Variants in MAGI1 observed in about 807,000 individuals in gnomAD.
MAGI1 encodes membrane-associated guanylate kinase, WW and PDZ domain-containing protein 1.
Under a neutral mutation model 139.9 loss-of-function variants are expected in MAGI1, and 58 were observed. The ratio of observed to expected loss-of-function variants is 0.41; its 90% confidence interval spans 0.34 to 0.52. MAGI1 has a LOEUF of 0.52. Among genes scored for constraint, MAGI1 ranks in the 20% least tolerant of loss-of-function variants. The probability of loss-of-function intolerance (pLI) is 0.12; values close to 1 mark genes in which losing one functional copy is unlikely to be tolerated. For missense variants in MAGI1, 1,874 were observed against 1,901.6 expected (o/e 0.99, Z 0.27); for synonymous variants, 812 against 737.9 (o/e 1.10, Z -1.63).
At chr3:65,371,820 C>A in intron 18 of MAGI1, 1 of 347,348 alleles carries the variant, frequency 2.9e-6, no homozygotes, top group Admixed American at 3.4e-5. Context: ...TAAGAAGCAA[C>A]TCCTCATCTG....
chr3:65,722,787 C>T (rs1016556749), intron 1 of MAGI1, among the ~76,000 whole-genome samples: 1 of 149,964 alleles, frequency 6.7e-6, no homozygotes, highest in Non-Finnish European at 1.5e-5. Context: ...TTCACATGAG[C>T]AAATTTAGCC....
At chr3:65,537,106 A>G (rs55978894) in intron 2 of MAGI1, among the ~76,000 whole-genome samples, 1 of 152,048 alleles carries the variant, frequency 6.6e-6, no homozygotes, top group Non-Finnish European at 1.5e-5. Context: ...ATATATCCCA[A>G]CCTACGCTGT....
At chr3:65,389,696 C>G (rs1217912324) in intron 14 of MAGI1, among the ~76,000 whole-genome samples, 1 of 152,198 alleles carries the variant, frequency 6.6e-6, no homozygotes, top group East Asian at 1.9e-4. Flanking sequence ...CCAAATGGAA[C>G]TTCATTTCCT....
chr3:65,789,055 C>A (rs2039579500), intron 1 of MAGI1, among the ~76,000 whole-genome samples: 1 of 152,076 alleles, frequency 6.6e-6, no homozygotes, highest in Non-Finnish European at 1.5e-5. Flanking sequence ...GCGACACCCA[C>A]CCGTAGTCCC....
intron 12 of MAGI1, among the ~76,000 whole-genome samples, chr3:65,413,221 A>C (rs187582042): frequency 6.6e-6 from 1 of 152,282 alleles, no homozygotes; most frequent in Admixed American, 6.5e-5. Flanking sequence ...CTTGCTCTGG[A>C]GGGGGGTACA....
In MAGI1 at chr3:65,569,709, T is replaced by A. The variant is rs565059005; in HGVS notation, c.430+52263A>T. Among the ~76,000 whole-genome samples the A allele has an allele frequency of 7.2e-5, 9 of 124,926 alleles. No individual in the cohort carries two copies. The East Asian group carries it at 2.1e-3, about 28-fold the overall frequency. 82.0% of individuals were successfully genotyped at this position (124,926 alleles called of 152,430 possible). ...CTGGGAAACATAATGAGACCCTGTCTCTAAAAACAAAAAATAAATTAGCCA... is the reference window on the plus strand; with the variant it reads ...CTGGGAAACATAATGAGACCCTGTCACTAAAAACAAAAAATAAATTAGCCA... On this transcript the variant is annotated intron_variant, in intron 2 of 22. Coordinates refer to ENST00000402939, the MANE Select transcript of MAGI1 (RefSeq NM_001033057.2).
intron 2 of MAGI1, chr3:65,498,897 G>A (rs1457509978): frequency 2.0e-6 from 1 of 499,354 alleles, no homozygotes; most frequent in Admixed American, 6.4e-5. Flanking sequence ...AGTGGCTACT[G>A]GCCTGGTCAG....
intron 10 of MAGI1, among the ~76,000 whole-genome samples, chr3:65,434,267 G>A (rs1947675678): frequency 6.6e-6 from 1 of 152,142 alleles, no homozygotes; most frequent in African/African-American, 2.4e-5. Flanking sequence ...ATAGTTGTGA[G>A]AAACAACCAT....
At chr3:65,592,259 T>C (rs1333031094) in intron 2 of MAGI1, among the ~76,000 whole-genome samples, 1 of 152,142 alleles carries the variant, frequency 6.6e-6, no homozygotes, top group African/African-American at 2.4e-5. Flanking sequence ...TTAGAAAGAA[T>C]AAAGTAGGCA....
At chr3:65,855,990 C>A (rs2059366852) in intron 1 of MAGI1, among the ~76,000 whole-genome samples, 1 of 152,092 alleles carries the variant, frequency 6.6e-6, no homozygotes, top group Non-Finnish European at 1.5e-5. Flanking sequence ...CTGTGTCCAG[C>A]ACTGACCAGC....
intron 8 of MAGI1, among the ~76,000 whole-genome samples, chr3:65,441,366 A>C (rs1948313907): frequency 6.6e-6 from 1 of 152,168 alleles, no homozygotes; most frequent in African/African-American, 2.4e-5. Context: ...TATTTTTTTA[A>C]GCAGGTTTAT....
intron 1 of MAGI1, among the ~76,000 whole-genome samples, chr3:65,912,236 CAAAA>C (rs35498262): frequency 7.6e-6 from 1 of 130,986 alleles, no homozygotes; most frequent in Admixed American, 7.8e-5. Context: ...ACTCTGATCT[CAAAA>C]AAAAAAAAAA....
chr3:65,581,313 A>G (rs2081411293), intron 2 of MAGI1, among the ~76,000 whole-genome samples: 1 of 152,208 alleles, frequency 6.6e-6, no homozygotes, highest in Non-Finnish European at 1.5e-5. Context: ...ACAGAAATGT[A>G]CATGAATAAG....
Position 66,011,769 on chromosome 3 carries a change from T to C in MAGI1, c.313+26227A>G, listed in dbSNP as rs936632302. Among the ~76,000 whole-genome samples, 5 of 149,096 alleles carry C rather than the reference T, an allele frequency of 3.4e-5. No homozygotes were observed. In the East Asian group the frequency reaches 1.0e-3, roughly 30 times the overall value. ...AGGAATTGATTCCAAAAGCATTCCC[T>C]AACCAATGTCCTATATGGTAATCAT... On this transcript the variant is annotated intron_variant, in intron 1 of 22. Coordinates refer to ENST00000402939, the MANE Select transcript of MAGI1 (RefSeq NM_001033057.2).
intron 1 of MAGI1, among the ~76,000 whole-genome samples, chr3:65,828,653 G>A (rs989299331): frequency 2.0e-5 from 3 of 152,112 alleles, no homozygotes; most frequent in Non-Finnish European, 4.4e-5. Flanking sequence ...TGATGTCCAC[G>A]TTCTCATCTG....
chr3:65,993,491 T>C (rs2066285199), intron 1 of MAGI1, among the ~76,000 whole-genome samples: 1 of 152,196 alleles, frequency 6.6e-6, no homozygotes, highest in Non-Finnish European at 1.5e-5. Flanking sequence ...CACACATTAG[T>C]CTTTCATTCA....
At chr3:65,479,296 C>A (rs983479083) in intron 3 of MAGI1, among the ~76,000 whole-genome samples, 2 of 152,078 alleles carry the variant, frequency 1.3e-5, no homozygotes, top group Non-Finnish European at 2.9e-5. Flanking sequence ...CCCCACGTGG[C>A]GCCTCTTTAG....
At chr3:65,439,591 C>A (rs1449816992) in intron 9 of MAGI1, among the ~76,000 whole-genome samples, 1 of 152,172 alleles carries the variant, frequency 6.6e-6, no homozygotes, top group Non-Finnish European at 1.5e-5. Context: ...AATGCAAATA[C>A]TGCGGGGGCA....
intron 1 of MAGI1, among the ~76,000 whole-genome samples, chr3:65,744,697 GT>G (rs35909521): frequency 2.0e-5 from 3 of 151,342 alleles, no homozygotes; most frequent in Admixed American, 1.3e-4. Context: ...TTTGTTTTCT[GT>G]TTTTTTTAAT....
Sources: gnomAD v4.1 joint callset for allele counts (sites outside exome capture counted in the v4.1 genomes callset) on GRCh38, gnomAD v4.1.1 for gene constraint, MANE v1.5 for transcripts, NCBI Gene and HGNC (gene_info 2026-07-23, HGNC 2026-07-21) for gene names.